ENTPD6: variants seen among roughly 807,000 people sequenced by gnomAD.
ENTPD6 encodes CD39 antigen-like 2.
In ENTPD6, 46 loss-of-function variants were observed where a neutral mutation model predicts 61.5. The ratio of observed to expected loss-of-function variants is 0.75; its 90% CI spans 0.59 to 0.96. ENTPD6 has a LOEUF of 0.96. Ranked by LOEUF, ENTPD6 falls within the 40% of genes least tolerant of loss-of-function variation. The pLI, the probability that ENTPD6 is intolerant of heterozygous loss-of-function variation, is 0.00. For synonymous variants in ENTPD6, 252 were observed against 255.5 expected, an observed-to-expected ratio of 0.99 and a Z score of 0.13; for missense variants, 612 against 629.0, an observed-to-expected ratio of 0.97 and a Z score of 0.29.
intron 11 of ENTPD6, 120 bp from the exon 12 acceptor site, chr20:25,222,718 G>A (rs1276232689): frequency 2.9e-6 from 4 of 1,380,532 alleles, no homozygotes; most frequent in Non-Finnish European, 3.9e-6. Context: ...ACAGGCTTCT[G>A]GACCTGCCTT....
chr20:25,222,768 G>A, intron 11 of ENTPD6, 70 bp from the exon 12 acceptor site: 1 of 1,578,924 alleles, frequency 6.3e-7, no homozygotes, highest in Non-Finnish European at 8.6e-7. Flanking sequence ...TCCCCTGGGA[G>A]GGGCCCCAAG....
In ENTPD6 at chr20:25,225,769, C is replaced by A; in HGVS notation, c.*172C>A. The A allele has an allele frequency of 1.7e-6, 1 of 605,654 alleles. No individual in the cohort carries two copies. Among genetic ancestry groups the A allele is most frequent in the Non-Finnish European group, 2.9e-6 (1 of 342,966 alleles). The allele number at this position is 605,654 out of a possible 1,614,324, so 37.5% of individuals were successfully genotyped here. On this transcript the variant is annotated 3_prime_UTR_variant, in exon 15 of 15. Coordinates refer to ENST00000376652, the MANE Select transcript of ENTPD6 (RefSeq NM_001247.5). ...GTGCTGCCCTGGCATCAGCCTCTTC[C>A]AGTCACATCTGGCCAGAGGGCTGTC...
At position 25,214,762 on chromosome 20, in the gene ENTPD6, C is replaced by G. The variant is rs2092216928; in HGVS notation, c.598-105C>G. ...ACAACCAGTTACAGATTTTTTCGTTCTTCTCCACCCACACTGCTTCACTTG... is the reference window on the plus strand; with the variant it reads ...ACAACCAGTTACAGATTTTTTCGTTGTTCTCCACCCACACTGCTTCACTTG... On this transcript the variant is annotated intron_variant, in intron 5 of 14. Transcript: ENST00000376652. The G allele has an allele frequency of 4.2e-6, 3 of 720,516 alleles. No homozygotes were observed. In the Admixed American group the frequency reaches 6.5e-5, roughly 16 times the overall value. The allele number at this position is 720,516 out of a possible 1,614,324, so 44.6% of individuals were successfully genotyped here.
intron 5 of ENTPD6, among the ~76,000 whole-genome samples, chr20:25,214,173 G>T (rs1392095642): frequency 6.6e-6 from 1 of 152,174 alleles, no homozygotes; most frequent in African/African-American, 2.4e-5. Context: ...CCAGCATTCC[G>T]CAGTGGGTCC....
chr20:25,219,641 C>T (rs1448503358), intron 10 of ENTPD6, among the ~76,000 whole-genome samples: 2 of 152,222 alleles, frequency 1.3e-5, no homozygotes, highest in Non-Finnish European at 1.5e-5. Flanking sequence ...CTGGCCAGGC[C>T]ACAGAGGCCT....
intron 9 of ENTPD6, 32 bp from the exon 10 acceptor site, chr20:25,218,518 C>A: frequency 6.3e-7 from 1 of 1,581,610 alleles, no homozygotes; most frequent in Non-Finnish European, 8.6e-7. Context: ...CCTGCCATGG[C>A]AGCTGCCCTC....
Position 25,225,661 on chromosome 20 carries a change from G to A in ENTPD6, c.*64G>A. The A allele has an allele frequency of 7.2e-7, 1 of 1,386,218 alleles. No homozygotes were observed. The highest frequency in any genetic ancestry group is 1.0e-6 in the Non-Finnish European group (1 of 991,080). 85.9% of individuals were successfully genotyped at this position (1,386,218 alleles called of 1,614,324 possible). On this transcript the variant is annotated 3_prime_UTR_variant, in exon 15 of 15. Coordinates refer to ENST00000376652, the MANE Select transcript of ENTPD6 (RefSeq NM_001247.5). ...TGTCTGCATAAACCCTCCTGTCCTGGACGTGACTTCATCCTGAGGAGCCAC... is the reference window on the plus strand; with the variant it reads ...TGTCTGCATAAACCCTCCTGTCCTGAACGTGACTTCATCCTGAGGAGCCAC...
chr20:25,217,865 G>A (rs112157724), intron 9 of ENTPD6, among the ~76,000 whole-genome samples: 52 of 127,978 alleles, frequency 4.1e-4, no homozygotes, highest in African/African-American at 1.2e-3. Context: ...TATAGTATAC[G>A]CACATTAACC....
intron 13 of ENTPD6, chr20:25,224,392 C>A: frequency 2.5e-6 from 1 of 395,108 alleles, no homozygotes. Flanking sequence ...ACTAGGGTAA[C>A]CCCAAGAGTG....
Position 25,214,973 on chromosome 20 carries a change from G to C in ENTPD6, c.673+31G>C, listed in dbSNP as rs375851539. On this transcript the variant is annotated intron_variant, in intron 6 of 14. Coordinates refer to ENST00000376652, the MANE Select transcript of ENTPD6 (RefSeq NM_001247.5). ...TGGCTGGAAGCACCTCTGTACAGTGGGGCTGTGCAGTGAGGTGGGTGGGAG... is the reference window on the plus strand; with the variant it reads ...TGGCTGGAAGCACCTCTGTACAGTGCGGCTGTGCAGTGAGGTGGGTGGGAG... 129 of 1,449,350 alleles carry C rather than the reference G, an allele frequency of 8.9e-5. No homozygotes were observed. The Admixed American group carries it at 1.1e-3, about 12-fold the overall frequency. 89.8% of individuals were successfully genotyped at this position (1,449,350 alleles called of 1,614,324 possible). A position where few individuals can be genotyped will look rare whatever the true frequency, so the allele number is the denominator to read the frequency against.
At chr20:25,217,906 C>T (rs1170794990) in intron 9 of ENTPD6, among the ~76,000 whole-genome samples, 1 of 150,600 alleles carries the variant, frequency 6.6e-6, no homozygotes. Context: ...CTCCTCCCGC[C>T]TCCTCTGTCC....
intron 1 of ENTPD6, among the ~76,000 whole-genome samples, chr20:25,200,292 T>G (rs1046810028): frequency 6.6e-6 from 1 of 152,256 alleles, no homozygotes; most frequent in East Asian, 1.9e-4. Flanking sequence ...TGGTTGACTT[T>G]TAAGAGTTCT....
Position 25,213,400 on chromosome 20 carries a change from GC to G in ENTPD6, c.592del (p.Gln198ArgfsTer3). On this transcript the variant is annotated frameshift_variant, in exon 5 of 15. Coordinates refer to ENST00000376652, the MANE Select transcript of ENTPD6 (RefSeq NM_001247.5). LOFTEE classifies it high-confidence loss of function. ...CTGGAGAAAAGGCCCAGAAGTTACT[GC>G]AGAAGGTGAGCCTGGCCATTCCCCA... Reference protein sequence around the residue: ...LPGEKAQKLLQKVKKVFKASP... With the variant: ...LPGEKAQKLLXKVKKVFKASP... The G allele has an allele frequency of 1.2e-6, 2 of 1,607,258 alleles. No individual in the cohort carries two copies.
chr20:25,220,783 C>T lies in ENTPD6; in HGVS notation c.944-449C>T, dbSNP rs546960006. Among the ~76,000 whole-genome samples the T allele has an allele frequency of 7.9e-5, 12 of 152,346 alleles. No homozygotes were observed. The East Asian group carries it at 9.6e-4, about 12-fold the overall frequency. ...ACTGGGGCCAGCCCTGGGACCAATA[C>T]GCTTCCTTTGCTGGTTTTGAGCCCC... On this transcript the variant is annotated intron_variant, in intron 10 of 14. Transcript: ENST00000376652.
At chr20:25,217,404 C>A in intron 8 of ENTPD6, 98 bp from the exon 9 acceptor site, 3 of 1,149,660 alleles carry the variant, frequency 2.6e-6, no homozygotes, top group Non-Finnish European at 1.3e-6. Flanking sequence ...TAATTGGCTG[C>A]ACCTGACCAT....
rs57918703 is a variant in ENTPD6 at position 25,223,126 on chromosome 20, G to C, written c.1186+148G>C. 5.3e-3 allele frequency: 4,700 copies of C among 887,454 alleles called. 155 individuals are homozygous for C. The African/African-American group carries it at 0.069, about 13-fold the overall frequency. The allele number at this position is 887,454 out of a possible 1,614,324, so 55.0% of individuals were successfully genotyped here. On this transcript the variant is annotated intron_variant, in intron 12 of 14. Transcript: ENST00000376652. ...AGGAGGCCAGAAGCAGATTTGAGAA[G>C]GCGTCTCATCCTGAGTAGGAAAAGA...
At chr20:25,198,066 G>GT (rs1035000467) in intron 1 of ENTPD6, among the ~76,000 whole-genome samples, 2 of 152,016 alleles carry the variant, frequency 1.3e-5, no homozygotes, top group Non-Finnish European at 2.9e-5. Flanking sequence ...CACATAAAGG[G>GT]TTTTTTTAAA....
chr20:25,214,276 C>T (rs769327268), intron 5 of ENTPD6, among the ~76,000 whole-genome samples: 5 of 152,210 alleles, frequency 3.3e-5, no homozygotes, highest in Admixed American at 6.5e-5. Flanking sequence ...GGATTGTGCA[C>T]GCGTGCAGGT....
In ENTPD6 at chr20:25,218,542, TC is replaced by T; in HGVS notation, c.879-5del. 6.2e-7 allele frequency: 1 copy of T among 1,602,170 alleles called. No homozygotes were observed. The stretch of plus-strand genomic sequence containing the variant: ...GCAGCTGCCCTCACTGAGGTGTCAT[TC>T]CCACAGCTACCTCGGGCTCGGGCTG... On this transcript the variant is annotated splice_region_variant and splice_polypyrimidine_tract_variant and intron_variant, in intron 9 of 14. Transcript: ENST00000376652.
Sources: gnomAD v4.1 joint callset for allele counts (sites outside exome capture counted in the v4.1 genomes callset) on GRCh38, gnomAD v4.1.1 for gene constraint, MANE v1.5 for transcripts, NCBI Gene and HGNC (gene_info 2026-07-23, HGNC 2026-07-21) for gene names.